NEDD1: variants seen among roughly 807,000 people sequenced by gnomAD.
NEDD1 encodes NEDD1 gamma-tubulin ring complex targeting factor, also known as protein NEDD1.
A neutral mutation model predicts 74.0 loss-of-function variants in NEDD1; 33 were observed. That is an observed-to-expected ratio of 0.45 (90% CI 0.34 to 0.60). The LOEUF (loss-of-function observed/expected upper bound fraction) is 0.60, where lower values mean the gene tolerates loss of function less well. Among genes scored for constraint, NEDD1 ranks in the 20% least tolerant of loss-of-function variants. The probability of loss-of-function intolerance (pLI) is 0.01; values close to 1 mark genes in which losing one functional copy is unlikely to be tolerated. For synonymous variants in NEDD1, 250 were observed against 264.4 expected (o/e 0.95, Z 0.53); for missense variants, 746 against 776.5 (o/e 0.96, Z 0.47).
At chr12:96,907,352 G>A in intron 1 of NEDD1, 52 bp downstream of exon 1, 18 of 397,128 alleles carry the variant, frequency 4.5e-5, no homozygotes, top group Non-Finnish European at 7.5e-5. Flanking sequence ...CCGCGTCCGC[G>A]CACCCTCCCG....
rs760165283 is a variant in NEDD1, at chr12:96,944,594, TA to T, written c.1498-38del. 2,683 of 1,272,978 alleles carry T rather than the reference TA, an allele frequency of 2.1e-3. 11 individuals carry two copies. Among genetic ancestry groups the T allele is most frequent in the Non-Finnish European group, 2.4e-3 (2,247 of 923,496 alleles). The allele number at this position is 1,272,978 out of a possible 1,614,324, so 78.9% of individuals were successfully genotyped here. On this transcript the variant is annotated intron_variant, in intron 12 of 15. Coordinates refer to ENST00000266742, the MANE Select transcript of NEDD1 (RefSeq NM_152905.4). ...GCAAAAATTATATGGGTAATATGAG[TA>T]AAAAAATTGTATATTAAAGTCATTA...
Position 96,912,708 on chromosome 12 carries a change from TA to T in NEDD1, c.137-13del. ...TGTTCATGGATTGTTTGATGCTCCA[TA>T]ACTCCTCATTTAGATAACTTTTTAG... On this transcript the variant is annotated splice_polypyrimidine_tract_variant and intron_variant, in intron 3 of 15. Coordinates refer to ENST00000266742, the MANE Select transcript of NEDD1 (RefSeq NM_152905.4). 1 of 1,299,068 alleles carries T rather than the reference TA, an allele frequency of 7.7e-7. No homozygotes were observed. The highest frequency in any genetic ancestry group is 1.1e-6 in the Non-Finnish European group (1 of 895,816). The allele number at this position is 1,299,068 out of a possible 1,614,324, so 80.5% of individuals were successfully genotyped here.
At chr12:96,940,199 G>A (rs1877527203) in intron 9 of NEDD1, among the ~76,000 whole-genome samples, 1 of 151,884 alleles carries the variant, frequency 6.6e-6, no homozygotes, top group African/African-American at 2.4e-5. Flanking sequence ...TGAAAATCCT[G>A]GTTAACTTTA....
intron 4 of NEDD1, among the ~76,000 whole-genome samples, chr12:96,913,791 G>T (rs1007627219): frequency 3.3e-5 from 5 of 151,976 alleles, no homozygotes; most frequent in Non-Finnish European, 5.9e-5. Flanking sequence ...TAAATAAAAA[G>T]ATATGGTAGT....
At chr12:96,937,458 T>C in intron 9 of NEDD1, 65 bp downstream of exon 9, 1 of 844,494 alleles carries the variant, frequency 1.2e-6, no homozygotes, top group Non-Finnish European at 1.8e-6. Flanking sequence ...TGTTTTTGGC[T>C]TGCATATAAT....
intron 9 of NEDD1, among the ~76,000 whole-genome samples, chr12:96,939,782 A>G (rs533109593): frequency 3.3e-5 from 5 of 151,906 alleles, no homozygotes; most frequent in African/African-American, 1.2e-4. Flanking sequence ...ATTGTTGTCT[A>G]CCTTACTATT....
Position 96,952,019 on chromosome 12 carries a change from G to A in NEDD1, c.1949G>A (p.Arg650Gln), listed in dbSNP as rs762824150. 9.3e-6 allele frequency: 15 copies of A among 1,604,388 alleles called. No homozygotes were observed. The highest frequency in any genetic ancestry group is 2.2e-5 in the South Asian group (2 of 90,796). Residue 650 changes from arginine (R) to glutamine (Q), a missense_variant, in exon 16 of 16, where the codon CGA (arginine) becomes CAA (glutamine). By Grantham distance (43) the Arg-to-Gln change is conservative. Transcript: ENST00000266742. ...EGLVAEIERL[R>Q]EENKRLRAHF ...TTAGTGGCTGAAATTGAAAGACTAC[G>A]AGAAGAAAACAAAAGATTACGGGCC...
At chr12:96,919,801 T>C (rs1395040430) in intron 5 of NEDD1, among the ~76,000 whole-genome samples, 184 bp from the exon 6 acceptor site, 1 of 152,200 alleles carries the variant, frequency 6.6e-6, no homozygotes, top group Non-Finnish European at 1.5e-5. Context: ...CCATAATCTC[T>C]CTCTCTCGTA....
At chr12:96,920,170 T>C in intron 6 of NEDD1, 45 bp downstream of exon 6, 1 of 1,261,814 alleles carries the variant, frequency 7.9e-7, no homozygotes, top group Non-Finnish European at 1.1e-6. Flanking sequence ...AGATAGATTT[T>C]GAATTGTATC....
chr12:96,934,505 T>TC (rs1876880693), intron 6 of NEDD1, among the ~76,000 whole-genome samples: 3 of 151,844 alleles, frequency 2.0e-5, no homozygotes, highest in Non-Finnish European at 4.4e-5. Flanking sequence ...TCTTTTCTTT[T>TC]TTTTTTTTAA....
chr12:96,951,452 T>C lies in NEDD1; in HGVS notation c.1832T>C (p.Ile611Thr). ...CCTAGAGAAGCATGCCATAGGGACA[T>C]TGTGAATTTGCAAGTGGAGATGATT... The part of the protein sequence containing the change: ...DDFREACHRD[I>T]VNLQVEMIKQ... Residue 611 changes from isoleucine to threonine, a missense_variant, in exon 15 of 16, where the codon ATT becomes ACT. Physicochemically the swap from Ile to Thr is moderately conservative, Grantham distance 89. This residue lies in a region of NEDD1 where 706 missense variants were observed against 706.7 expected (regional missense o/e 1.00). Coordinates refer to ENST00000266742, the MANE Select transcript of NEDD1 (RefSeq NM_152905.4). 1 of 1,573,162 alleles carries C rather than the reference T, an allele frequency of 6.4e-7. No individual in the cohort carries two copies. Among genetic ancestry groups the C allele is most frequent in the Non-Finnish European group, 8.7e-7 (1 of 1,146,908 alleles).
intron 9 of NEDD1, among the ~76,000 whole-genome samples, chr12:96,937,768 T>G (rs1383643718): frequency 6.6e-6 from 1 of 152,116 alleles, no homozygotes; most frequent in Non-Finnish European, 1.5e-5. Context: ...TGATTTGATC[T>G]CATTAAATAA....
Position 96,944,787 on chromosome 12 carries a change from C to T in NEDD1, c.1646C>T (p.Ser549Leu), listed in dbSNP as rs778160933. Reference protein sequence around the residue: ...LICEPPINGSSTPNPKIASSV... With the variant: ...LICEPPINGSLTPNPKIASSV... ...TGTGAACCCCCAATCAATGGATCCT[C>T]AACTCCAAGTAAGTACATGAAACTT... The change falls in exon 13 of 16, where the codon TCA becomes TTA. Residue 549 changes from serine (S) to leucine (L), a missense_variant. This residue lies in a region of NEDD1 where 706 missense variants were observed against 706.7 expected (regional missense o/e 1.00). Coordinates refer to ENST00000266742, the MANE Select transcript of NEDD1 (RefSeq NM_152905.4). 26 of 1,553,230 alleles carry T rather than the reference C, an allele frequency of 1.7e-5. No individual in the cohort carries two copies. Among genetic ancestry groups the T allele is most frequent in the African/African-American group, 2.8e-5 (2 of 71,172 alleles).
At chr12:96,932,578 A>G in intron 6 of NEDD1, among the ~76,000 whole-genome samples, 1 of 143,486 alleles carries the variant, frequency 7.0e-6, no homozygotes, top group East Asian at 2.0e-4. Flanking sequence ...CAGGATTCTT[A>G]GCTAATATCT....
intron 15 of NEDD1, 68 bp from the exon 16 acceptor site, chr12:96,951,881 A>C: frequency 3.6e-6 from 3 of 839,726 alleles, no homozygotes; most frequent in Non-Finnish European, 5.9e-6. Flanking sequence ...CTGAAAGTAT[A>C]TTAAACATAG....
intron 8 of NEDD1, 122 bp from the exon 9 acceptor site, chr12:96,937,076 G>A: frequency 1.8e-6 from 1 of 566,344 alleles, no homozygotes; most frequent in Non-Finnish European, 2.8e-6. Flanking sequence ...AGGTCTGCCA[G>A]CAAGCTTAAG....
In NEDD1 at chr12:96,923,788, TTGTGTG is replaced by T. The variant is rs10528785; in HGVS notation, c.489+3700_489+3705del. Among the ~76,000 whole-genome samples, 1,085 of 142,346 alleles carry T rather than the reference TTGTGTG, an allele frequency of 7.6e-3. 10 individuals carry two copies. Among genetic ancestry groups the T allele is most frequent in the African/African-American group, 0.023 (913 of 39,358 alleles). 93.4% of individuals were successfully genotyped at this position (142,346 alleles called of 152,430 possible). A position where few individuals can be genotyped will look rare whatever the true frequency, so the allele number is the denominator to read the frequency against. Reference sequence around the variant, plus strand: ...TGCTGTTTTACTCCTTAATACCTGTTTGTGTGTGTGTGTGTGTGTGTGTGTGTGTGT... The same window carrying T: ...TGCTGTTTTACTCCTTAATACCTGTTTGTGTGTGTGTGTGTGTGTGTGTGT... On this transcript the variant is annotated intron_variant, in intron 6 of 15. Transcript: ENST00000266742.
In NEDD1 at chr12:96,943,596, C is replaced by T. The variant is rs373706184; in HGVS notation, c.1331C>T (p.Pro444Leu). The change falls in exon 12 of 16, where the codon CCT becomes CTT. Residue 444 changes from proline (P) to leucine (L), a missense_variant. Around this residue, in one of 3 missense-constraint regions of NEDD1, gnomAD observed 706 missense variants for 706.7 expected, o/e 1.00. Transcript: ENST00000266742. ...CTACCGCAGTTGAACTCAGTGTTTCCTCCAAGAAAAAATCCAGTAACTTCA... is the reference window on the plus strand; with the variant it reads ...CTACCGCAGTTGAACTCAGTGTTTCTTCCAAGAAAAAATCCAGTAACTTCA... The part of the protein sequence containing the change: ...DFLPQLNSVF[P>L]PRKNPVTSST... 2 of 1,613,104 alleles carry T rather than the reference C, an allele frequency of 1.2e-6. No individual in the cohort carries two copies. The highest frequency in any genetic ancestry group is 1.3e-5 in the African/African-American group (1 of 74,876).
Position 96,909,620 on chromosome 12 carries a change from CT to C in NEDD1, c.-8-129del, listed in dbSNP as rs1168920987. On this transcript the variant is annotated intron_variant, in intron 2 of 15. Transcript: ENST00000266742. Reference sequence around the variant, plus strand: ...TGTTTTAGGAAAATCACTTCAACTGCTTTGGTGACTGCACTGTTTGGAACAA... The same window carrying C: ...TGTTTTAGGAAAATCACTTCAACTGCTTGGTGACTGCACTGTTTGGAACAA... 8.8e-5 allele frequency: 60 copies of C among 679,268 alleles called. 1 individual carries two copies. In the Admixed American group the frequency reaches 1.8e-3, roughly 20 times the overall value. 42.1% of individuals were successfully genotyped at this position (679,268 alleles called of 1,614,324 possible).
Sources: gnomAD v4.1 joint callset for allele counts (sites outside exome capture counted in the v4.1 genomes callset) on GRCh38, gnomAD v4.1.1 for gene constraint, gnomAD v4.1.1 regional missense constraint, MANE v1.5 for transcripts, NCBI Gene and HGNC (gene_info 2026-07-23, HGNC 2026-07-21) for gene names.